Variants in DGKD observed in about 807,000 individuals in gnomAD.
DGKD encodes DAG kinase delta.
A neutral mutation model predicts 154.4 loss-of-function variants in DGKD; 68 were observed. The ratio of observed to expected loss-of-function variants is 0.44; its 90% CI spans 0.36 to 0.54. The LOEUF (loss-of-function observed/expected upper bound fraction) is 0.54. Among genes scored for constraint, DGKD ranks in the 20% least tolerant of loss-of-function variants. DGKD has a pLI of 0.00. For missense variants in DGKD, 1,343 were observed against 1,593.6 expected, an observed-to-expected ratio of 0.84 and a Z score of 2.68; for synonymous variants, 693 against 638.0, an observed-to-expected ratio of 1.09 and a Z score of -1.30.
rs2063953635 is a variant in DGKD, at chr2:233,469,859, C to T, written c.*399C>T. On this transcript the variant is annotated 3_prime_UTR_variant, in exon 30 of 30. Transcript: ENST00000264057. ...CTCCTCTCCGTGTGTCCTTCTGTGG[C>T]CGCACCGTGTGGCTCCGCCTCCTGG... The T allele has an allele frequency of 1.1e-5, 2 of 175,268 alleles. No homozygotes were observed. The highest frequency in any genetic ancestry group is 1.6e-4 in the East Asian group (1 of 6,200). The allele number at this position is 175,268 out of a possible 1,614,324, so 10.9% of individuals were successfully genotyped here. A position where few individuals can be genotyped will look rare whatever the true frequency, so the allele number is the denominator to read the frequency against.
chr2:233,454,495 G>A (rs1275872738), intron 18 of DGKD: 4 of 502,168 alleles, frequency 8.0e-6, no homozygotes, highest in Admixed American at 4.8e-5. Context: ...GCTGATGGCA[G>A]GAGTACAGGC....
chr2:233,443,494 A>G (rs905792088), intron 10 of DGKD, among the ~76,000 whole-genome samples: 2 of 152,116 alleles, frequency 1.3e-5, no homozygotes, highest in Admixed American at 6.5e-5. Context: ...ATTTTTGTCA[A>G]CGTCTGTCAT....
chr2:233,379,837 TTTG>T (rs1204533519), intron 1 of DGKD: 1 of 152,202 alleles, frequency 6.6e-6, no homozygotes, highest in Non-Finnish European at 1.5e-5. Context: ...TAACCTGTAT[TTTG>T]TTTTTAGAGT....
At chr2:233,453,381 C>T (rs979416766) in intron 18 of DGKD, among the ~76,000 whole-genome samples, 2 of 152,228 alleles carry the variant, frequency 1.3e-5, no homozygotes, top group Non-Finnish European at 2.9e-5. Flanking sequence ...TCCTGTTTCT[C>T]TCCGTTGGAT....
intron 3 of DGKD, among the ~76,000 whole-genome samples, chr2:233,416,510 C>T (rs1465098440): frequency 6.6e-6 from 1 of 152,204 alleles, no homozygotes; most frequent in Non-Finnish European, 1.5e-5. Context: ...GCTTATGAAA[C>T]TCTTTTTCCT....
intron 3 of DGKD, among the ~76,000 whole-genome samples, chr2:233,429,756 G>A (rs11681704): frequency 0.11 from 17,218 of 152,216 alleles, 1,107 homozygotes; most frequent in African/African-American, 0.17. Context: ...CGGCCCCTCC[G>A]GGCCTGCCTT....
At chr2:233,370,598 G>T in intron 1 of DGKD, among the ~76,000 whole-genome samples, 1 of 133,046 alleles carries the variant, frequency 7.5e-6, no homozygotes, top group African/African-American at 3.0e-5. Flanking sequence ...TTGTTTGAGT[G>T]AATAATACTC....
At chr2:233,463,329 ATCTCC>A in intron 26 of DGKD, among the ~76,000 whole-genome samples, 1 of 150,350 alleles carries the variant, frequency 6.7e-6, no homozygotes, top group Non-Finnish European at 1.5e-5. Flanking sequence ...CACTCCACAC[ATCTCC>A]TCACTGCACG....
intron 3 of DGKD, among the ~76,000 whole-genome samples, chr2:233,393,641 C>T (rs996824400): frequency 6.7e-6 from 1 of 148,726 alleles, no homozygotes; most frequent in Non-Finnish European, 1.5e-5. Flanking sequence ...CTGGGCCCTA[C>T]TTTCCTGTTT....
chr2:233,454,589 T>G, intron 18 of DGKD, 174 bp from the exon 19 acceptor site: 1 of 588,786 alleles, frequency 1.7e-6, no homozygotes, highest in Non-Finnish European at 3.1e-6. Context: ...AATAATTGAA[T>G]TGTACATTTT....
Position 233,468,545 on chromosome 2 carries a change from G to C in DGKD, c.3547G>C (p.Asp1183His). Residue 1183 changes from aspartate to histidine, a missense_variant, in exon 29 of 30, where the codon GAC becomes CAC. By Grantham distance (81) the Asp-to-His change is moderately conservative. Coordinates refer to ENST00000264057, the MANE Select transcript of DGKD (RefSeq NM_152879.3). ...TGAGCTCCTGCACCTGGAGCGGAGG[G>C]ACCTCAAGGTACTTCCATAGGCGTC... Reference protein sequence around the residue: ...GSELLHLERRDLKDLGVTKVG... With the variant: ...GSELLHLERRHLKDLGVTKVG... 6.2e-7 allele frequency: 1 copy of C among 1,613,688 alleles called. No homozygotes were observed. The highest frequency in any genetic ancestry group is 8.5e-7 in the Non-Finnish European group (1 of 1,179,956).
chr2:233,400,988 A>G (rs2061546056), intron 3 of DGKD, among the ~76,000 whole-genome samples: 1 of 152,106 alleles, frequency 6.6e-6, no homozygotes, highest in Admixed American at 6.5e-5. Context: ...GGGTCTGTGT[A>G]TCCTCTACCA....
intron 3 of DGKD, among the ~76,000 whole-genome samples, chr2:233,403,158 C>CT (rs1422239065): frequency 6.6e-6 from 1 of 152,172 alleles, no homozygotes; most frequent in Non-Finnish European, 1.5e-5. Flanking sequence ...ATGTGACACA[C>CT]TAGCAGTGCC....
chr2:233,357,659 C>G (rs1342942280), intron 1 of DGKD, among the ~76,000 whole-genome samples: 1 of 151,858 alleles, frequency 6.6e-6, no homozygotes, highest in African/African-American at 2.4e-5. Context: ...GCCTCAGCCT[C>G]CCAAGTAGCT....
At chr2:233,361,834 C>T (rs763595896) in intron 1 of DGKD, among the ~76,000 whole-genome samples, 2 of 152,110 alleles carry the variant, frequency 1.3e-5, no homozygotes, top group Non-Finnish European at 2.9e-5. Context: ...TCACTCTTGT[C>T]ACCCAGGCTG....
At position 233,434,885 on chromosome 2, in the gene DGKD, C is replaced by G. The variant is rs369790670; in HGVS notation, c.570C>G (p.His190Gln). 6.3e-5 allele frequency: 101 copies of G among 1,613,470 alleles called. No homozygotes were observed. Among genetic ancestry groups the G allele is most frequent in the Non-Finnish European group, 8.1e-5 (96 of 1,179,936 alleles). The change falls in exon 5 of 30, where the codon CAC becomes CAG. Residue 190 changes from histidine (H) to glutamine (Q), a missense_variant. Coordinates refer to ENST00000264057, the MANE Select transcript of DGKD (RefSeq NM_152879.3). Reference protein sequence around the residue: ...CREALSGVTSHGLSCEVCKFK... With the variant: ...CREALSGVTSQGLSCEVCKFK... ...AGGCTCTGTCTGGGGTCACGTCGCACGGGCTGTCCTGCGAGGGTACGGATG... is the reference window on the plus strand; with the variant it reads ...AGGCTCTGTCTGGGGTCACGTCGCAGGGGCTGTCCTGCGAGGGTACGGATG...
At chr2:233,364,695 G>A (rs2125383705) in intron 1 of DGKD, among the ~76,000 whole-genome samples, 1 of 152,224 alleles carries the variant, frequency 6.6e-6, no homozygotes, top group South Asian at 2.1e-4. Context: ...AAGAAGGCAA[G>A]AAAGGAGAGA....
chr2:233,356,819 C>T (rs1701549730), intron 1 of DGKD, among the ~76,000 whole-genome samples: 1 of 151,456 alleles, frequency 6.6e-6, no homozygotes, highest in Admixed American at 6.6e-5. Context: ...GTAATAGCTC[C>T]ATTTTTTTTT....
In DGKD at chr2:233,412,716, T is replaced by TTAG. The variant is rs35471800; in HGVS notation, c.349-21663_349-21661dup. Among the ~76,000 whole-genome samples, 630 of 152,356 alleles carry TTAG rather than the reference T, an allele frequency of 4.1e-3. 29 individuals are homozygous for TTAG. In the East Asian group the frequency reaches 0.094, roughly 23 times the overall value. On this transcript the variant is annotated intron_variant, in intron 3 of 29. Transcript: ENST00000264057. ...TCGGTTTTCATCATTAAATGTGATG[T>TTAG]TAGCTGTAGGCTTTTTGTAGGTATC...
Sources: allele counts gnomAD v4.1 joint callset (sites outside exome capture counted in the v4.1 genomes callset), GRCh38; gene constraint gnomAD v4.1.1; transcripts MANE v1.5; gene names NCBI Gene and HGNC (gene_info 2026-07-23, HGNC 2026-07-21).